Variants in UNC13C observed in about 807,000 individuals in gnomAD.
UNC13C encodes the protein protein unc-13 homolog C.
UNC13C carries 174 observed loss-of-function variants against 245.4 expected under a neutral mutation model. The observed-to-expected ratio is 0.71, with a 90% CI of 0.63 to 0.80. UNC13C has a LOEUF of 0.80. UNC13C is among the 30% of genes least tolerant of loss of function. UNC13C has a pLI of 0.00. For synonymous variants in UNC13C, 992 were observed against 895.1 expected (o/e 1.11, Z -1.93); for missense variants, 2,829 against 2,602.9 (o/e 1.09, Z -1.89).
chr15:54,234,423 G>T (rs568387866), intron 4 of UNC13C, among the ~76,000 whole-genome samples: 2 of 151,966 alleles, frequency 1.3e-5, no homozygotes, highest in East Asian at 1.9e-4. Context: ...AAATAACCTA[G>T]CTTTTATTGC....
intron 4 of UNC13C, among the ~76,000 whole-genome samples, chr15:54,152,615 T>G (rs2032570933): frequency 6.6e-6 from 1 of 152,170 alleles, no homozygotes; most frequent in African/African-American, 2.4e-5. Context: ...AGGCAGTGTT[T>G]GAGTCGTCAG....
At chr15:53,973,993 G>A (rs1893621075), upstream of UNC13C, among the ~76,000 whole-genome samples, 2 of 152,054 alleles carry the variant, frequency 1.3e-5, no homozygotes, top group African/African-American at 4.8e-5. Flanking sequence ...GACGTTCAAG[G>A]CCTGATTTTT....
intron 4 of UNC13C, among the ~76,000 whole-genome samples, chr15:54,195,599 C>T (rs929325018): frequency 4.6e-5 from 7 of 152,140 alleles, no homozygotes; most frequent in East Asian, 1.9e-4. Flanking sequence ...AGGTAAGCCA[C>T]GCTTTATATA....
At chr15:54,333,423 T>C (rs1242599685) in intron 15 of UNC13C, among the ~76,000 whole-genome samples, 1 of 151,972 alleles carries the variant, frequency 6.6e-6, no homozygotes, top group Non-Finnish European at 1.5e-5. Context: ...ATCATGAAAA[T>C]TTTTTCCTAT....
chr15:54,300,197 C>A lies in UNC13C; in HGVS notation c.4105-13C>A. 1 of 1,590,716 alleles carries A rather than the reference C, an allele frequency of 6.3e-7. No individual in the cohort carries two copies. On this transcript the variant is annotated splice_polypyrimidine_tract_variant and intron_variant, in intron 12 of 32. Coordinates refer to ENST00000260323, the MANE Select transcript of UNC13C (RefSeq NM_001080534.3). ...GAGGAATCACTGAACAATTAAAAAC[C>A]ACTTGCTTTTAGAATCTGTTCCATT...
At chr15:54,115,090 T>C (rs2030138450) in intron 2 of UNC13C, among the ~76,000 whole-genome samples, 1 of 152,122 alleles carries the variant, frequency 6.6e-6, no homozygotes, top group East Asian at 1.9e-4. Context: ...ACTGTTCTTT[T>C]ATTTTTTAAT....
chr15:54,077,355 CCTTTTCTTTTCTTTT>C (rs1257535671), intron 2 of UNC13C, among the ~76,000 whole-genome samples: 1 of 124,346 alleles, frequency 8.0e-6, no homozygotes, highest in African/African-American at 3.0e-5. Flanking sequence ...TTTTATTTTT[CCTTTTCTTTTCTTTT>C]CTTTTCTTTT....
At chr15:54,401,142 A>G (rs144490793) in intron 18 of UNC13C, among the ~76,000 whole-genome samples, 1 of 152,240 alleles carries the variant, frequency 6.6e-6, no homozygotes, top group Non-Finnish European at 1.5e-5. Context: ...GTAAATATTT[A>G]ATTATTTCTT....
chr15:53,931,231 C>T, the UNC13C span, among the ~76,000 whole-genome samples: 1 of 151,982 alleles, frequency 6.6e-6, no homozygotes, highest in Non-Finnish European at 1.5e-5. Flanking sequence ...TGCAGTGGCA[C>T]GATCTTGGTT....
At chr15:53,926,889 C>A in the UNC13C span, among the ~76,000 whole-genome samples, 28 of 152,246 alleles carry the variant, frequency 1.8e-4, no homozygotes, top group East Asian at 5.4e-3. Flanking sequence ...TATAGCTCTG[C>A]CCTTATGTGG....
At chr15:54,147,781 G>GGTGTGTGTGTGTGT (rs1372170799) in intron 4 of UNC13C, among the ~76,000 whole-genome samples, 3 of 24,552 alleles carry the variant, frequency 1.2e-4, no homozygotes, top group African/African-American at 2.5e-4. Flanking sequence ...AGCATTGCAA[G>GGTGTGTGTGTGTGT]GTGTGTGCGT....
In UNC13C at chr15:54,014,309, C is replaced by G; in HGVS notation, c.1406C>G (p.Ser469Cys). ...DLNRNSYAVL[S>C]KSELLTKGST... ...AATAGAAACAGTTACGCTGTGCTTT[C>G]CAAGTCAGAGCTTCTAACAAAGGGA... The change falls in exon 2 of 33, where the codon TCC becomes TGC. Residue 469 changes from serine to cysteine, a missense_variant. Ser to Cys is a moderately radical substitution (Grantham distance 112). Transcript: ENST00000260323. The G allele has an allele frequency of 1.9e-6, 3 of 1,613,894 alleles. No homozygotes were observed. The highest frequency in any genetic ancestry group is 1.1e-5 in the South Asian group (1 of 91,076).
At chr15:54,482,111 C>G (rs1452749827) in intron 19 of UNC13C, among the ~76,000 whole-genome samples, 4 of 152,090 alleles carry the variant, frequency 2.6e-5, no homozygotes, top group Admixed American at 6.6e-5. Flanking sequence ...ACCACATGTT[C>G]CCTGGGGTGT....
At chr15:54,483,390 G>A (rs1480676547) in intron 19 of UNC13C, among the ~76,000 whole-genome samples, 1 of 148,410 alleles carries the variant, frequency 6.7e-6, no homozygotes, top group Admixed American at 6.7e-5. Flanking sequence ...ATTTTAACAA[G>A]CTCAGACTAA....
the UNC13C span, among the ~76,000 whole-genome samples, chr15:53,903,198 C>A: frequency 6.6e-6 from 1 of 152,198 alleles, no homozygotes; most frequent in African/African-American, 2.4e-5. Flanking sequence ...AAAGCTAATG[C>A]AGACTGCATA....
chr15:54,105,585 G>T (rs1185793963), intron 2 of UNC13C, among the ~76,000 whole-genome samples: 1 of 152,078 alleles, frequency 6.6e-6, no homozygotes, highest in East Asian at 1.9e-4. Flanking sequence ...GCATTTTAAG[G>T]TCTCAGGTGA....
intron 19 of UNC13C, among the ~76,000 whole-genome samples, chr15:54,427,200 C>T (rs2040776583): frequency 6.6e-6 from 1 of 151,688 alleles, no homozygotes; most frequent in African/African-American, 2.4e-5. Context: ...ATTGTGTCTC[C>T]CAGAATTCCC....
At chr15:53,853,963 T>C in the UNC13C span, among the ~76,000 whole-genome samples, 2 of 152,166 alleles carry the variant, frequency 1.3e-5, no homozygotes, top group Non-Finnish European at 2.9e-5. Flanking sequence ...ACTCAGATTA[T>C]AGTTTCTTTT....
the UNC13C span, among the ~76,000 whole-genome samples, chr15:53,875,097 TAA>T: frequency 2.9e-5 from 4 of 138,000 alleles, no homozygotes; most frequent in East Asian, 2.0e-4. Context: ...GTCTCAAAAT[TAA>T]AAAAAAAATA....
Sources: gnomAD v4.1 joint callset for allele counts (sites outside exome capture counted in the v4.1 genomes callset) on GRCh38, gnomAD v4.1.1 for gene constraint, MANE v1.5 for transcripts, NCBI Gene and HGNC (gene_info 2026-07-23, HGNC 2026-07-21) for gene names.